The following SYNPR variants were observed in gnomAD, a reference collection of about 807,000 sequenced individuals.
SYNPR encodes the protein synaptoporin.
A neutral mutation model predicts 32.9 loss-of-function variants in SYNPR; 23 were observed. The observed-to-expected ratio is 0.70, with a 90% CI of 0.50 to 0.99. SYNPR has a LOEUF of 0.99. Ranked by LOEUF, SYNPR falls within the 50% of genes least tolerant of loss-of-function variation. The pLI is 0.00. For synonymous variants in SYNPR, 146 were observed against 135.9 expected (o/e 1.07, Z -0.52); for missense variants, 318 against 349.3 (o/e 0.91, Z 0.71).
intron 2 of SYNPR, among the ~76,000 whole-genome samples, chr3:63,372,158 G>A (rs1049652494): frequency 2.6e-5 from 4 of 152,034 alleles, no homozygotes; most frequent in African/African-American, 9.7e-5. Context: ...TGCCACTGCT[G>A]CCCTCAGTCT....
chr3:63,284,969 G>A (rs2086666955), intron 2 of SYNPR, among the ~76,000 whole-genome samples: 1 of 152,116 alleles, frequency 6.6e-6, no homozygotes, highest in Non-Finnish European at 1.5e-5. Flanking sequence ...CAAAATTGAG[G>A]GAAATGCCAA....
chr3:63,571,398 G>A (rs1433657569), intron 4 of SYNPR, among the ~76,000 whole-genome samples: 2 of 152,118 alleles, frequency 1.3e-5, no homozygotes, highest in African/African-American at 4.8e-5. Flanking sequence ...TTTTTTCAAG[G>A]CAAATTCAAA....
chr3:63,469,840 T>G (rs1037533132), intron 2 of SYNPR, among the ~76,000 whole-genome samples: 2 of 152,242 alleles, frequency 1.3e-5, no homozygotes, highest in African/African-American at 2.4e-5. Flanking sequence ...TTATAGTCTC[T>G]GTAAATATAA....
At chr3:63,232,973 C>T (rs933847814) in intron 1 of SYNPR, among the ~76,000 whole-genome samples, 1 of 152,138 alleles carries the variant, frequency 6.6e-6, no homozygotes, top group Non-Finnish European at 1.5e-5. Context: ...TTTTGATATG[C>T]TACCCTCTAG....
intron 3 of SYNPR, among the ~76,000 whole-genome samples, chr3:63,503,075 C>T (rs1259186589): frequency 3.9e-5 from 6 of 152,108 alleles, no homozygotes; most frequent in Admixed American, 3.9e-4. Context: ...GTAGCTGAGC[C>T]ATTTTGCATT....
intron 2 of SYNPR, among the ~76,000 whole-genome samples, chr3:63,471,562 G>T (rs1700797743): frequency 6.6e-6 from 1 of 152,214 alleles, no homozygotes; most frequent in Non-Finnish European, 1.5e-5. Flanking sequence ...GGAACATTAA[G>T]CTTTAGAGGC....
intron 4 of SYNPR, among the ~76,000 whole-genome samples, chr3:63,595,636 G>T (rs1699919926): frequency 6.9e-6 from 1 of 144,130 alleles, no homozygotes; most frequent in Non-Finnish European, 1.5e-5. Flanking sequence ...TAAAGTAAAA[G>T]AAATGGTGCA....
intron 4 of SYNPR, among the ~76,000 whole-genome samples, chr3:63,608,632 C>G (rs1418196680): frequency 6.6e-6 from 1 of 152,128 alleles, no homozygotes; most frequent in Non-Finnish European, 1.5e-5. Context: ...ACATTGCCAT[C>G]AAAGAATCTT....
intron 3 of SYNPR, among the ~76,000 whole-genome samples, chr3:63,499,812 A>G (rs1505589): frequency 0.096 from 14,609 of 152,120 alleles, 1,297 homozygotes; most frequent in African/African-American, 0.23. Context: ...CCTATTTGAA[A>G]TAAATACACA....
At chr3:63,222,232 G>A in the SYNPR span, among the ~76,000 whole-genome samples, 861 of 151,734 alleles carry the variant, frequency 5.7e-3, 11 homozygotes, top group African/African-American at 0.014. Flanking sequence ...GCATCCAAAT[G>A]ATTCATGGCT....
At chr3:63,463,954 G>C (rs538070848) in intron 2 of SYNPR, among the ~76,000 whole-genome samples, 33 of 152,102 alleles carry the variant, frequency 2.2e-4, no homozygotes, top group African/African-American at 7.7e-4. Flanking sequence ...ATTTTATGTA[G>C]ATGCCTTTTT....
At chr3:63,570,450 C>A (rs1021008009) in intron 4 of SYNPR, among the ~76,000 whole-genome samples, 4 of 152,176 alleles carry the variant, frequency 2.6e-5, no homozygotes, top group Non-Finnish European at 5.9e-5. Flanking sequence ...CCGTCATCCC[C>A]GGTATTCCAT....
chr3:63,398,477 T>C (rs1247087453), intron 2 of SYNPR, among the ~76,000 whole-genome samples: 2 of 151,950 alleles, frequency 1.3e-5, no homozygotes, highest in Non-Finnish European at 2.9e-5. Context: ...TCCCAGCACT[T>C]TGGGAGGCCA....
chr3:63,375,587 G>A (rs2087879154), intron 2 of SYNPR, among the ~76,000 whole-genome samples: 1 of 152,088 alleles, frequency 6.6e-6, no homozygotes, highest in Admixed American at 6.5e-5. Context: ...AGGGGCTGGG[G>A]GAGGGATAGC....
chr3:63,328,044 G>C (rs1456631221), intron 2 of SYNPR, among the ~76,000 whole-genome samples: 2 of 152,122 alleles, frequency 1.3e-5, no homozygotes. Flanking sequence ...TTTAAATGAG[G>C]AATGCCACAT....
At chr3:63,337,832 AG>A (rs1424216894) in intron 2 of SYNPR, among the ~76,000 whole-genome samples, 1 of 152,240 alleles carries the variant, frequency 6.6e-6, no homozygotes, top group Non-Finnish European at 1.5e-5. Context: ...AACCAAAAAA[AG>A]ATCAGTGGTT....
At chr3:63,322,818 T>TA (rs1310544092) in intron 2 of SYNPR, among the ~76,000 whole-genome samples, 1 of 152,064 alleles carries the variant, frequency 6.6e-6, no homozygotes, top group Non-Finnish European at 1.5e-5. Context: ...TGTAAGTTCT[T>TA]ATGTAAGACC....
At chr3:63,381,481 A>G (rs2198138) in intron 2 of SYNPR, among the ~76,000 whole-genome samples, 10,549 of 152,296 alleles carry the variant, frequency 0.069, 1,091 homozygotes, top group African/African-American at 0.23. Context: ...ATACTGCCCA[A>G]GGTAATTTAT....
At chr3:63,475,083 A>T (rs1400447687) in intron 2 of SYNPR, among the ~76,000 whole-genome samples, 1 of 152,162 alleles carries the variant, frequency 6.6e-6, no homozygotes, top group Non-Finnish European at 1.5e-5. Flanking sequence ...CTGCAAAGAT[A>T]TCGTTACTGC....
Sources: gnomAD v4.1 joint callset for allele counts (sites outside exome capture counted in the v4.1 genomes callset) on GRCh38, gnomAD v4.1.1 for gene constraint, MANE v1.5 for transcripts, NCBI Gene and HGNC (gene_info 2026-07-23, HGNC 2026-07-21) for gene names.